Variants in PCDHA3 observed in about 807,000 individuals in gnomAD.
PCDHA3 encodes protocadherin alpha-3.
Under a neutral mutation model 62.2 loss-of-function variants are expected in PCDHA3, and 41 were observed. The observed-to-expected ratio is 0.66, with a 90% CI of 0.51 to 0.86. PCDHA3 has a LOEUF of 0.86. Ranked by LOEUF, PCDHA3 falls within the 40% of genes least tolerant of loss-of-function variation. The probability of loss-of-function intolerance (pLI) is 0.00; values close to 1 mark genes in which losing one functional copy is unlikely to be tolerated. For synonymous variants in PCDHA3, 640 were observed against 555.4 expected, an observed-to-expected ratio of 1.15 and a Z score of -2.14; for missense variants, 1,304 against 1,241.2, an observed-to-expected ratio of 1.05 and a Z score of -0.76.
intron 1 of PCDHA3, among the ~76,000 whole-genome samples, chr5:140,956,940 T>G (rs1446313251): frequency 6.7e-6 from 1 of 150,168 alleles, no homozygotes; most frequent in Non-Finnish European, 1.5e-5. Flanking sequence ...AGGATAAAAT[T>G]TACATTAAAA....
intron 1 of PCDHA3, chr5:140,807,893 A>G (rs1764055022): frequency 6.2e-7 from 1 of 1,613,990 alleles, no homozygotes; most frequent in African/African-American, 1.3e-5. Context: ...ACTGGATGCC[A>G]ATGACAATGC....
At chr5:140,828,950 G>A (rs2150161338) in intron 1 of PCDHA3, 72 of 1,614,042 alleles carry the variant, frequency 4.5e-5, no homozygotes, top group Admixed American at 1.5e-4. Context: ...CCTTGTTGCA[G>A]CCATGGTTAT....
chr5:140,928,014 G>A (rs1554205371), intron 1 of PCDHA3: 1 of 1,614,150 alleles, frequency 6.2e-7, no homozygotes, highest in Non-Finnish European at 8.5e-7. Flanking sequence ...CTAATGGTAG[G>A]GTCATTTGTG....
At chr5:141,000,415 ATATATATTTTTT>A (rs1251582263) in intron 3 of PCDHA3, among the ~76,000 whole-genome samples, 1 of 87,388 alleles carries the variant, frequency 1.1e-5, no homozygotes, top group East Asian at 3.4e-4. Context: ...ATATATATAT[ATATATATTTTTT>A]TTTTTTTTTT....
intron 1 of PCDHA3, chr5:140,875,418 G>A: frequency 6.6e-7 from 1 of 1,515,104 alleles, no homozygotes; most frequent in Non-Finnish European, 8.8e-7. Flanking sequence ...AAATACCTCA[G>A]GCAAGCGATC....
intron 1 of PCDHA3, chr5:140,857,340 C>A (rs782392001): frequency 9.4e-6 from 15 of 1,598,236 alleles, no homozygotes; most frequent in Non-Finnish European, 1.2e-5. Context: ...GACGGGGGCT[C>A]GCCTCCGCTG....
At chr5:140,804,868 AT>A in intron 1 of PCDHA3, 1 of 562,698 alleles carries the variant, frequency 1.8e-6, no homozygotes, top group Non-Finnish European at 2.9e-6. Flanking sequence ...TAAAATAGAT[AT>A]TTTTCTTGAC....
chr5:140,993,509 C>CAT (rs1488940144), intron 3 of PCDHA3, among the ~76,000 whole-genome samples: 3 of 143,600 alleles, frequency 2.1e-5, no homozygotes, highest in African/African-American at 7.8e-5. Flanking sequence ...CACACACACA[C>CAT]GGGGAGAGAG....
At chr5:140,865,420 C>T (rs998161335) in intron 1 of PCDHA3, 2 of 152,258 alleles carry the variant, frequency 1.3e-5, no homozygotes, top group South Asian at 2.1e-4. Context: ...TTAGTAGTGT[C>T]TACCTAGAAA....
chr5:140,802,326 C>T lies in PCDHA3; in HGVS notation c.1129C>T (p.Arg377Cys). ...TVIALISVSDRDSGVNGQVTC... is the reference protein window; with the variant it reads ...TVIALISVSDCDSGVNGQVTC... Reference sequence around the variant, plus strand: ...CATCGCTCTGATCAGCGTGTCCGACCGCGACTCAGGAGTCAATGGACAGGT... The same window carrying T: ...CATCGCTCTGATCAGCGTGTCCGACTGCGACTCAGGAGTCAATGGACAGGT... Residue 377 changes from arginine to cysteine, a missense_variant, in exon 1 of 4, where the codon CGC becomes TGC. Arg to Cys is a radical substitution (Grantham distance 180). Coordinates refer to ENST00000522353, the MANE Select transcript of PCDHA3 (RefSeq NM_018906.3). The T allele has an allele frequency of 6.2e-7, 1 of 1,614,230 alleles. No homozygotes were observed. The highest frequency in any genetic ancestry group is 8.5e-7 in the Non-Finnish European group (1 of 1,180,044).
At chr5:140,945,838 G>A (rs1415502139) in intron 1 of PCDHA3, among the ~76,000 whole-genome samples, 2 of 151,896 alleles carry the variant, frequency 1.3e-5, no homozygotes, top group African/African-American at 4.8e-5. Context: ...AACTCAAAAT[G>A]GATTAAAGAC....
chr5:140,916,303 A>G (rs2077518127), intron 1 of PCDHA3, among the ~76,000 whole-genome samples: 1 of 152,176 alleles, frequency 6.6e-6, no homozygotes, highest in Admixed American at 6.5e-5. Context: ...ACTGGTACCA[A>G]AGGTGCAAGA....
intron 1 of PCDHA3, chr5:140,808,097 G>A (rs782004795): frequency 6.2e-7 from 1 of 1,613,970 alleles, no homozygotes; most frequent in Non-Finnish European, 8.5e-7. Context: ...ACAAATTATT[G>A]TAAAGGGATA....
chr5:140,968,201 C>T, intron 1 of PCDHA3: 1 of 1,614,032 alleles, frequency 6.2e-7, no homozygotes, highest in Non-Finnish European at 8.5e-7. Context: ...CATCTACATA[C>T]AGGAGAACAA....
At chr5:140,826,874 A>G (rs1217835279) in intron 1 of PCDHA3, among the ~76,000 whole-genome samples, 1 of 152,186 alleles carries the variant, frequency 6.6e-6, no homozygotes, top group Non-Finnish European at 1.5e-5. Flanking sequence ...GTAAAATTCA[A>G]TGAAAGCTGT....
At chr5:140,939,335 T>A (rs1195092720) in intron 1 of PCDHA3, among the ~76,000 whole-genome samples, 2 of 152,080 alleles carry the variant, frequency 1.3e-5, no homozygotes, top group Non-Finnish European at 2.9e-5. Context: ...ATCTTAGGGG[T>A]TAGCATTTCA....
At chr5:140,835,807 T>C in intron 1 of PCDHA3, 1 of 1,612,998 alleles carries the variant, frequency 6.2e-7, no homozygotes, top group East Asian at 2.2e-5. Flanking sequence ...TGCCACATCT[T>C]CACTGTGTCG....
intron 1 of PCDHA3, among the ~76,000 whole-genome samples, chr5:140,878,476 A>G (rs1037108551): frequency 6.6e-6 from 1 of 152,204 alleles, no homozygotes; most frequent in Admixed American, 6.5e-5. Flanking sequence ...TCATTTCTCA[A>G]TTTAAAAATA....
At chr5:140,829,606 G>C (rs782620810) in intron 1 of PCDHA3, 7 of 1,611,952 alleles carry the variant, frequency 4.3e-6, no homozygotes, top group African/African-American at 2.7e-5. Flanking sequence ...GCGCGTTGTC[G>C]AGCTACATTT....
Sources: gnomAD v4.1 joint callset for allele counts (sites outside exome capture counted in the v4.1 genomes callset) on GRCh38, gnomAD v4.1.1 for gene constraint, MANE v1.5 for transcripts, NCBI Gene and HGNC (gene_info 2026-07-23, HGNC 2026-07-21) for gene names.